Variants in ZNF385D observed in about 807,000 individuals in gnomAD.
ZNF385D encodes zinc finger protein 659.
A neutral mutation model predicts 35.8 loss-of-function variants in ZNF385D; 15 were observed. That is an observed-to-expected ratio of 0.42 (90% CI 0.28 to 0.64). The LOEUF is 0.64. Among genes scored for constraint, ZNF385D ranks in the 30% least tolerant of loss-of-function variants. The pLI, the probability that ZNF385D is intolerant of heterozygous loss-of-function variation, is 0.23. For missense variants in ZNF385D, 474 were observed against 494.6 expected (o/e 0.96, Z 0.39); for synonymous variants, 212 against 186.8 (o/e 1.13, Z -1.10).
At chr3:22,319,602 G>A (rs1694303643) in intron 2 of ZNF385D, among the ~76,000 whole-genome samples, 1 of 152,126 alleles carries the variant, frequency 6.6e-6, no homozygotes, top group African/African-American at 2.4e-5. Context: ...AGGGTCCACA[G>A]ATTTCCCTAT....
At chr3:21,562,815 A>G (rs1159086133) in intron 3 of ZNF385D, among the ~76,000 whole-genome samples, 2 of 99,302 alleles carry the variant, frequency 2.0e-5, no homozygotes, top group African/African-American at 8.2e-5. Context: ...ACTCTTATTT[A>G]TGTATTAAGA....
chr3:21,726,009 A>AAG (rs1393983135), intron 1 of ZNF385D, among the ~76,000 whole-genome samples: 1 of 152,226 alleles, frequency 6.6e-6, no homozygotes, highest in Non-Finnish European at 1.5e-5. Flanking sequence ...CCTGGGAGGC[A>AAG]AGGCTGGTTC....
chr3:22,048,364 G>C (rs916221240), intron 3 of ZNF385D, among the ~76,000 whole-genome samples: 2 of 152,104 alleles, frequency 1.3e-5, no homozygotes, highest in East Asian at 3.9e-4. Flanking sequence ...TCCTCTAGCA[G>C]TTTTATAGAT....
At chr3:22,039,983 T>C (rs1462930727) in intron 3 of ZNF385D, among the ~76,000 whole-genome samples, 1 of 152,154 alleles carries the variant, frequency 6.6e-6, no homozygotes, top group Non-Finnish European at 1.5e-5. Flanking sequence ...AGGAGGATCA[T>C]GAGGCTGAAT....
chr3:21,752,243 G>A (rs781183953), upstream of ZNF385D, among the ~76,000 whole-genome samples: 3 of 152,172 alleles, frequency 2.0e-5, no homozygotes, highest in South Asian at 6.2e-4. Context: ...GTTTCCTAAG[G>A]ACTCATCACT....
At chr3:22,319,196 C>A (rs1418984920) in intron 2 of ZNF385D, among the ~76,000 whole-genome samples, 1 of 152,068 alleles carries the variant, frequency 6.6e-6, no homozygotes, top group Non-Finnish European at 1.5e-5. Flanking sequence ...TACTTTTCAA[C>A]CAAGTCTTTC....
At chr3:22,355,111 T>C (rs1696090568) in intron 2 of ZNF385D, among the ~76,000 whole-genome samples, 1 of 152,116 alleles carries the variant, frequency 6.6e-6, no homozygotes, top group South Asian at 2.1e-4. Flanking sequence ...TCAATAGATG[T>C]ATTTTCTGCC....
At chr3:21,503,688 C>A (rs1706560320) in intron 4 of ZNF385D, among the ~76,000 whole-genome samples, 1 of 152,136 alleles carries the variant, frequency 6.6e-6, no homozygotes, top group Non-Finnish European at 1.5e-5. Flanking sequence ...AATTGACTGA[C>A]CTTCCTATGA....
intron 3 of ZNF385D, among the ~76,000 whole-genome samples, chr3:21,783,471 A>G (rs1282990664): frequency 6.6e-6 from 1 of 152,092 alleles, no homozygotes; most frequent in Non-Finnish European, 1.5e-5. Context: ...TTACCATTTG[A>G]TATAATATTT....
chr3:21,905,762 G>C (rs951376673), intron 3 of ZNF385D, among the ~76,000 whole-genome samples: 1 of 151,468 alleles, frequency 6.6e-6, no homozygotes, highest in African/African-American at 2.4e-5. Context: ...ACAAAATAAA[G>C]TTACTTGCTA....
intron 5 of ZNF385D, among the ~76,000 whole-genome samples, chr3:21,433,311 C>G (rs1364313625): frequency 6.6e-6 from 1 of 152,116 alleles, no homozygotes. Context: ...CTCATAGATG[C>G]ACATTTCTAT....
chr3:21,825,931 C>G (rs1694586585), intron 3 of ZNF385D, among the ~76,000 whole-genome samples: 1 of 152,104 alleles, frequency 6.6e-6, no homozygotes, highest in Non-Finnish European at 1.5e-5. Context: ...GTTTTAGGAG[C>G]GCAAAACCCT....
intron 2 of ZNF385D, among the ~76,000 whole-genome samples, chr3:22,191,450 G>C (rs1434382674): frequency 6.7e-6 from 1 of 149,126 alleles, no homozygotes; most frequent in Admixed American, 6.7e-5. Flanking sequence ...TAGTACCATT[G>C]CACTCCAGCC....
chr3:21,925,379 T>A (rs757307958), intron 3 of ZNF385D, among the ~76,000 whole-genome samples: 3 of 152,246 alleles, frequency 2.0e-5, no homozygotes, highest in Admixed American at 6.5e-5. Context: ...GCAAAATTCA[T>A]TGAAGAACAA....
chr3:21,423,192 C>T (rs1398703359), intron 7 of ZNF385D, among the ~76,000 whole-genome samples: 1 of 152,166 alleles, frequency 6.6e-6, no homozygotes, highest in Non-Finnish European at 1.5e-5. Flanking sequence ...GGCAATGCTA[C>T]TAAACTAACA....
chr3:21,496,539 C>CAT lies in ZNF385D; in HGVS notation c.439+14320_439+14321dup, dbSNP rs1334506625. The stretch of plus-strand genomic sequence containing the variant: ...ATACACATATATTTGATATATATAT[C>CAT]ATATATATATACACACATATATTTG... On this transcript the variant is annotated intron_variant, in intron 4 of 7. Coordinates refer to ENST00000281523, the MANE Select transcript of ZNF385D (RefSeq NM_024697.3). Among the ~76,000 whole-genome samples the CAT allele has an allele frequency of 1.1e-4, 10 of 92,448 alleles. No homozygotes were observed. The South Asian group carries it at 1.1e-3, about 10-fold the overall frequency. 60.6% of individuals were successfully genotyped at this position (92,448 alleles called of 152,430 possible).
At chr3:21,870,378 A>G (rs1017562232) in intron 3 of ZNF385D, among the ~76,000 whole-genome samples, 3 of 152,190 alleles carry the variant, frequency 2.0e-5, no homozygotes, top group Non-Finnish European at 4.4e-5. Flanking sequence ...GTTTCACCAT[A>G]CTAACAGTAA....
intron 3 of ZNF385D, among the ~76,000 whole-genome samples, chr3:21,523,768 C>A (rs1708055440): frequency 1.1e-5 from 1 of 93,890 alleles, no homozygotes; most frequent in East Asian, 3.8e-4. Flanking sequence ...GAAGGCTGTG[C>A]AAATTTTTTT....
chr3:22,149,775 C>T lies in ZNF385D; in HGVS notation c.325+19042G>A, dbSNP rs78901599. Among the ~76,000 whole-genome samples, 617 of 152,274 alleles carry T rather than the reference C, an allele frequency of 4.1e-3. 12 individuals carry two copies. The highest frequency in any genetic ancestry group is 0.014 in the African/African-American group (592 of 41,564). ...ATTTTCTCCCTTCTTTCCCAGACCA[C>T]CTGCAAAAGACAATGCGCTTTTCTC... On this transcript the variant is annotated intron_variant, in intron 3 of 5. Coordinates refer to the ZNF385D transcript ENST00000494108.
Sources: allele counts gnomAD v4.1 joint callset (sites outside exome capture counted in the v4.1 genomes callset), GRCh38; gene constraint gnomAD v4.1.1; transcripts MANE v1.5; gene names NCBI Gene and HGNC (gene_info 2026-07-23, HGNC 2026-07-21).